The following EPS8 variants were observed in gnomAD, a reference collection of about 807,000 sequenced individuals.
EPS8 encodes the protein epidermal growth factor receptor kinase substrate 8.
Under a neutral mutation model 103.8 loss-of-function variants are expected in EPS8, and 42 were observed. The ratio of observed to expected loss-of-function variants is 0.40; its 90% CI spans 0.32 to 0.52. The LOEUF (loss-of-function observed/expected upper bound fraction) is 0.52. Among genes scored for constraint, EPS8 ranks in the 20% least tolerant of loss-of-function variants. The pLI is 0.40. For synonymous variants in EPS8, 344 were observed against 344.6 expected (o/e 1.00, Z 0.02); for missense variants, 969 against 1,005.1 (o/e 0.96, Z 0.49).
intron 16 of EPS8, among the ~76,000 whole-genome samples, chr12:15,641,268 A>G (rs1009009213): frequency 5.9e-5 from 9 of 152,316 alleles, no homozygotes; most frequent in Non-Finnish European, 1.2e-4. Flanking sequence ...TGAACTGTCA[A>G]TTAGAATCTA....
chr12:15,631,633 G>A lies in EPS8; in HGVS notation c.1853C>T (p.Ala618Val). The change falls in exon 18 of 21, where the codon GCT (alanine) becomes GTT (valine). Residue 618 changes from alanine to valine, a missense_variant. Transcript: ENST00000281172. ...AGGTGATGGAGCAGGGGGAGTATCA[G>A]CTGGTCTTGGGCCATACTCCATCCT... ...KQRMEYGPRPADTPPAPSPPP... is the reference protein window; with the variant it reads ...KQRMEYGPRPVDTPPAPSPPP... 1 of 1,613,858 alleles carries A rather than the reference G, an allele frequency of 6.2e-7. No homozygotes were observed.
At position 15,654,136 on chromosome 12, in the gene EPS8, A is replaced by T. The variant is rs1401455154; in HGVS notation, c.1250+9T>A. 1 of 1,612,800 alleles carries T rather than the reference A, an allele frequency of 6.2e-7. No individual in the cohort carries two copies. The highest frequency in any genetic ancestry group is 2.2e-5 in the East Asian group (1 of 44,862). ...GGTACTTAAGGCATTATAGGTGGTAAATGCTTACCTGGCTTTCATCCAAGT... is the reference window on the plus strand; with the variant it reads ...GGTACTTAAGGCATTATAGGTGGTATATGCTTACCTGGCTTTCATCCAAGT... On this transcript the variant is annotated intron_variant, in intron 13 of 20. Coordinates refer to ENST00000281172, the MANE Select transcript of EPS8 (RefSeq NM_004447.6).
chr12:15,743,820 C>T (rs933025033), intron 1 of EPS8, among the ~76,000 whole-genome samples: 6 of 152,130 alleles, frequency 3.9e-5, no homozygotes, highest in Non-Finnish European at 5.9e-5. Context: ...AGAAGAAACC[C>T]TAGGCAATAC....
chr12:15,702,502 G>A lies in EPS8; in HGVS notation c.-21-19530C>T, dbSNP rs940158752. On this transcript the variant is annotated intron_variant, in intron 1 of 20. Transcript: ENST00000281172. This position sits in a 1 kb window ranked among gnomAD's most constrained non-coding sequence, Gnocchi z 5.1. ...TTCTCCTAGGATAAGAGGACTCTGG[G>A]GTAATGTATGAATGTCTATGAGATC... Among the ~76,000 whole-genome samples the A allele has an allele frequency of 2.6e-5, 4 of 151,974 alleles. No homozygotes were observed. Among genetic ancestry groups the A allele is most frequent in the African/African-American group, 9.7e-5 (4 of 41,376 alleles).
intron 1 of EPS8, among the ~76,000 whole-genome samples, chr12:15,708,254 C>T (rs1946414792): frequency 6.6e-6 from 1 of 152,242 alleles, no homozygotes; most frequent in South Asian, 2.1e-4. Flanking sequence ...CTAAGCCTCA[C>T]TTTCCTCATC....
At chr12:15,631,325 T>TA in intron 18 of EPS8, 117 bp downstream of exon 18, 1 of 1,431,786 alleles carries the variant, frequency 7.0e-7, no homozygotes, top group Non-Finnish European at 9.5e-7. Context: ...TGCAATCTAT[T>TA]AAGTACCATG....
At position 15,776,363 on chromosome 12, in the gene EPS8, G is replaced by A. The variant is rs533217911; in HGVS notation, c.-22+12798C>T. On this transcript the variant is annotated intron_variant, in intron 1 of 20. Transcript: ENST00000281172. This position sits in a 1 kb window ranked among gnomAD's most constrained non-coding sequence, Gnocchi z 4.2. Reference sequence around the variant, plus strand: ...GTCAGCCCCTGCAAAGGAGCAATCCGGTACTCTTTTGGAAGAGAGAAAAAA... The same window carrying A: ...GTCAGCCCCTGCAAAGGAGCAATCCAGTACTCTTTTGGAAGAGAGAAAAAA... Among the ~76,000 whole-genome samples the A allele has an allele frequency of 1.8e-4, 27 of 152,204 alleles. No individual in the cohort carries two copies. The highest frequency in any genetic ancestry group is 8.5e-4 in the Admixed American group (13 of 15,296).
rs545007996 is a variant in EPS8 at position 15,728,842 on chromosome 12, G to A, written c.-21-45870C>T. Among the ~76,000 whole-genome samples the A allele has an allele frequency of 2.0e-5, 3 of 152,210 alleles. No individual in the cohort carries two copies. The East Asian group carries it at 5.8e-4, about 29-fold the overall frequency. Reference sequence around the variant, plus strand: ...TTCAAGCCAATAAAAATGGGCTAAAGGACACTGTTAAGAAAATGAAAAGAC... The same window carrying A: ...TTCAAGCCAATAAAAATGGGCTAAAAGACACTGTTAAGAAAATGAAAAGAC... On this transcript the variant is annotated intron_variant, in intron 1 of 20. Transcript: ENST00000281172. This position sits in a 1 kb window ranked among gnomAD's most constrained non-coding sequence, Gnocchi z 4.5.
intron 1 of EPS8, among the ~76,000 whole-genome samples, chr12:15,740,936 T>G (rs1003349322): frequency 2.0e-5 from 3 of 152,182 alleles, no homozygotes; most frequent in Admixed American, 2.0e-4. Flanking sequence ...TAAAAAATGG[T>G]GCTTTTAGTG....
At chr12:15,746,570 T>C (rs923863458) in intron 1 of EPS8, among the ~76,000 whole-genome samples, 12 of 152,150 alleles carry the variant, frequency 7.9e-5, no homozygotes, top group Non-Finnish European at 1.5e-4. Flanking sequence ...GCACTGCTTT[T>C]ATTTTGCTTT....
At chr12:15,765,022 A>G (rs1355270914) in intron 1 of EPS8, among the ~76,000 whole-genome samples, 1 of 152,232 alleles carries the variant, frequency 6.6e-6, no homozygotes, top group Non-Finnish European at 1.5e-5. Context: ...AATGATATCT[A>G]TCAGGTTATA....
Position 15,762,806 on chromosome 12 carries a change from T to C in EPS8, c.-22+26355A>G, listed in dbSNP as rs190933935. On this transcript the variant is annotated intron_variant, in intron 1 of 20. Coordinates refer to ENST00000281172, the MANE Select transcript of EPS8 (RefSeq NM_004447.6). The surrounding 1 kb of genome is among the most constrained non-coding windows in gnomAD (Gnocchi z 4.8). ...GAAGTGGGGATATGGTTAATGAGTA[T>C]TAAAAAATAGTTAAAAAGAATAAGA... Among the ~76,000 whole-genome samples, 2,289 of 152,180 alleles carry C rather than the reference T, an allele frequency of 0.015. 31 individuals are homozygous for C. The highest frequency in any genetic ancestry group is 0.019 in the Non-Finnish European group (1,321 of 67,978).
At chr12:15,740,926 T>TA (rs1946814972) in intron 1 of EPS8, among the ~76,000 whole-genome samples, 2 of 152,304 alleles carry the variant, frequency 1.3e-5, no homozygotes, top group South Asian at 2.1e-4. Flanking sequence ...ATTTCTTTTT[T>TA]AAAAAATGGT....
intron 1 of EPS8, among the ~76,000 whole-genome samples, chr12:15,740,422 G>A (rs1377096868): frequency 6.6e-6 from 1 of 152,034 alleles, no homozygotes; most frequent in East Asian, 1.9e-4. Context: ...GTGCATGCCT[G>A]TAATCCCAGC....
intron 15 of EPS8, among the ~76,000 whole-genome samples, chr12:15,644,566 C>T (rs980493504): frequency 2.2e-4 from 33 of 152,114 alleles, no homozygotes; most frequent in South Asian, 8.3e-4. Context: ...GGCATGGTGG[C>T]GGGCACCTGT....
chr12:15,712,534 G>C (rs1385505188), intron 1 of EPS8, among the ~76,000 whole-genome samples: 1 of 152,150 alleles, frequency 6.6e-6, no homozygotes, highest in Non-Finnish European at 1.5e-5. Flanking sequence ...ATAGTCAACA[G>C]ACCTCTTCTT....
intron 4 of EPS8, 30 bp from the exon 5 acceptor site, chr12:15,669,855 A>G (rs537842510): frequency 2.6e-6 from 4 of 1,549,256 alleles, no homozygotes; most frequent in Non-Finnish European, 3.5e-6. Flanking sequence ...AAAAAGATTT[A>G]TAACACATAC....
chr12:15,627,677 C>T (rs1175487565), intron 18 of EPS8, among the ~76,000 whole-genome samples: 2 of 152,188 alleles, frequency 1.3e-5, no homozygotes, highest in African/African-American at 4.8e-5. Context: ...CCTAGCTACT[C>T]CTTTTTCCTA....
At position 15,702,496 on chromosome 12, in the gene EPS8, C is replaced by T. The variant is rs966067614; in HGVS notation, c.-21-19524G>A. Among the ~76,000 whole-genome samples, 3 of 151,950 alleles carry T rather than the reference C, an allele frequency of 2.0e-5. No individual in the cohort carries two copies. Among genetic ancestry groups the T allele is most frequent in the Non-Finnish European group, 2.9e-5 (2 of 68,018 alleles). On this transcript the variant is annotated intron_variant, in intron 1 of 20. Coordinates refer to ENST00000281172, the MANE Select transcript of EPS8 (RefSeq NM_004447.6). The surrounding 1 kb of genome is among the most constrained non-coding windows in gnomAD (Gnocchi z 5.1). ...GATACTTTCTCCTAGGATAAGAGGACTCTGGGGTAATGTATGAATGTCTAT... is the reference window on the plus strand; with the variant it reads ...GATACTTTCTCCTAGGATAAGAGGATTCTGGGGTAATGTATGAATGTCTAT...
Sources: allele counts gnomAD v4.1 joint callset (sites outside exome capture counted in the v4.1 genomes callset), GRCh38; gene constraint gnomAD v4.1.1; non-coding constraint Gnocchi (gnomAD v3.1); transcripts MANE v1.5; gene names NCBI Gene and HGNC (gene_info 2026-07-23, HGNC 2026-07-21).